ADCY2: variants seen among roughly 807,000 people sequenced by gnomAD.
ADCY2 encodes adenylate cyclase type 2.
ADCY2 carries 31 observed loss-of-function variants against 125.2 expected under a neutral mutation model. The observed-to-expected ratio is 0.25, with a 90% CI of 0.19 to 0.33. ADCY2 has a LOEUF of 0.33. ADCY2 is among the 10% of genes least tolerant of loss of function. The pLI is 1.00. For synonymous variants in ADCY2, 512 were observed against 548.4 expected (o/e 0.93, Z 0.93); for missense variants, 904 against 1,418.2 (o/e 0.64, Z 5.82).
chr5:7,701,253 C>A (rs1741067556), intron 7 of ADCY2, among the ~76,000 whole-genome samples: 1 of 152,056 alleles, frequency 6.6e-6, no homozygotes, highest in Non-Finnish European at 1.5e-5. Context: ...AAATTATGTG[C>A]ATCAATAACA....
At chr5:7,422,896 A>G (rs1193660797) in intron 2 of ADCY2, among the ~76,000 whole-genome samples, 3 of 152,196 alleles carry the variant, frequency 2.0e-5, no homozygotes, top group African/African-American at 4.8e-5. Flanking sequence ...CCTCTAGTGC[A>G]GTCACTTGGA....
At chr5:7,559,453 T>G (rs1459142487) in intron 3 of ADCY2, among the ~76,000 whole-genome samples, 3 of 152,136 alleles carry the variant, frequency 2.0e-5, no homozygotes, top group African/African-American at 7.2e-5. Flanking sequence ...AATGGGAGTT[T>G]GTTTGTGATT....
intron 22 of ADCY2, among the ~76,000 whole-genome samples, chr5:7,813,331 T>C (rs1038435480): frequency 1.3e-5 from 2 of 152,148 alleles, no homozygotes; most frequent in Admixed American, 1.3e-4. Context: ...AAGAGGAAGG[T>C]TATGTTTATT....
intron 4 of ADCY2, among the ~76,000 whole-genome samples, chr5:7,667,578 C>A (rs1167350238): frequency 6.6e-6 from 1 of 152,140 alleles, no homozygotes; most frequent in Non-Finnish European, 1.5e-5. Flanking sequence ...AGTGAAAAGG[C>A]CATTCTGTCT....
At chr5:7,821,848 C>A (rs751741178) in intron 24 of ADCY2, among the ~76,000 whole-genome samples, 1 of 152,132 alleles carries the variant, frequency 6.6e-6, no homozygotes, top group African/African-American at 2.4e-5. Flanking sequence ...TTCAAGGCTG[C>A]GTTCAAGAAT....
chr5:7,589,528 AAG>A (rs376178493), intron 3 of ADCY2, among the ~76,000 whole-genome samples: 1 of 132,558 alleles, frequency 7.5e-6, no homozygotes, highest in African/African-American at 3.0e-5. Context: ...AAGAAAGAGA[AAG>A]AAAGAAAGGA....
At chr5:7,812,262 C>A (rs1169342144) in intron 22 of ADCY2, among the ~76,000 whole-genome samples, 1 of 152,208 alleles carries the variant, frequency 6.6e-6, no homozygotes, top group Admixed American at 6.5e-5. Flanking sequence ...AACACCAAAG[C>A]TGTCATGATG....
At chr5:7,759,768 G>A (rs1743134867) in intron 16 of ADCY2, among the ~76,000 whole-genome samples, 1 of 152,230 alleles carries the variant, frequency 6.6e-6, no homozygotes, top group African/African-American at 2.4e-5. Context: ...TAGACAACAA[G>A]CAATTCCCTG....
chr5:7,780,628 G>A (rs1743890163), intron 18 of ADCY2, among the ~76,000 whole-genome samples: 1 of 152,108 alleles, frequency 6.6e-6, no homozygotes, highest in African/African-American at 2.4e-5. Context: ...TTTTACCTCA[G>A]CTAACCACTG....
At chr5:7,673,643 C>G (rs1181034096) in intron 4 of ADCY2, among the ~76,000 whole-genome samples, 1 of 152,152 alleles carries the variant, frequency 6.6e-6, no homozygotes, top group African/African-American at 2.4e-5. Flanking sequence ...TCTCCAGGCT[C>G]TGCCCAACCT....
rs572419682 is a variant in ADCY2, at chr5:7,482,950, T to C, written c.409-37788T>C. On this transcript the variant is annotated intron_variant, in intron 2 of 24. Transcript: ENST00000338316. Reference sequence around the variant, plus strand: ...AATACCACATGTTCTCACTCTTATGTGGGAGCTAAAAACATTGATCTCATG... The same window carrying C: ...AATACCACATGTTCTCACTCTTATGCGGGAGCTAAAAACATTGATCTCATG... Among the ~76,000 whole-genome samples the C allele has an allele frequency of 2.0e-5, 3 of 151,990 alleles. No homozygotes were observed. In the South Asian group the frequency reaches 6.2e-4, roughly 32 times the overall value.
At chr5:7,454,286 C>T (rs1315745473) in intron 2 of ADCY2, among the ~76,000 whole-genome samples, 1 of 152,168 alleles carries the variant, frequency 6.6e-6, no homozygotes, top group Non-Finnish European at 1.5e-5. Context: ...TATGTGCATT[C>T]TTTAAGTAGT....
At position 7,769,496 on chromosome 5, in the gene ADCY2, A is replaced by G. The variant is rs1219551770; in HGVS notation, c.2214+2690A>G. On this transcript the variant is annotated intron_variant, in intron 17 of 24. Coordinates refer to ENST00000338316, the MANE Select transcript of ADCY2 (RefSeq NM_020546.3). Reference sequence around the variant, plus strand: ...CAAGAAAAAGGCTGGAAACACCTATACAAATAATGAATAGTGGCTAAAGTG... The same window carrying G: ...CAAGAAAAAGGCTGGAAACACCTATGCAAATAATGAATAGTGGCTAAAGTG... Among the ~76,000 whole-genome samples the G allele has an allele frequency of 3.3e-5, 5 of 152,224 alleles. No individual in the cohort carries two copies. In the East Asian group the frequency reaches 9.6e-4, roughly 29 times the overall value.
rs139089777 is a variant in ADCY2 at position 7,712,907 on chromosome 5, ATC to A, written c.1622+14_1622+15del. 14,951 of 1,588,544 alleles carry A rather than the reference ATC, an allele frequency of 9.4e-3. 85 individuals carry two copies. Among genetic ancestry groups the A allele is most frequent in the Non-Finnish European group, 0.011 (13,142 of 1,157,744 alleles). The stretch of plus-strand genomic sequence containing the variant: ...TCAAAATCGCACCTTAAGGTATGGT[ATC>A]TCTCTATCTGATTTTTTAAAGCTTA... On this transcript the variant is annotated intron_variant, in intron 11 of 24. Coordinates refer to ENST00000338316, the MANE Select transcript of ADCY2 (RefSeq NM_020546.3).
At chr5:7,732,526 C>T (rs1302899792) in intron 14 of ADCY2, among the ~76,000 whole-genome samples, 1 of 152,176 alleles carries the variant, frequency 6.6e-6, no homozygotes, top group East Asian at 1.9e-4. Context: ...CTTCTATGTA[C>T]CAGGAATCTC....
At chr5:7,442,693 A>G (rs747651965) in intron 2 of ADCY2, among the ~76,000 whole-genome samples, 2 of 152,186 alleles carry the variant, frequency 1.3e-5, no homozygotes, top group East Asian at 3.9e-4. Context: ...TCTTGAAATT[A>G]TCCTGTAAGG....
chr5:7,413,818 T>G (rs568183131), intron 1 of ADCY2, among the ~76,000 whole-genome samples: 17 of 152,106 alleles, frequency 1.1e-4, no homozygotes, highest in Admixed American at 2.0e-4. Context: ...AGAATGGAAA[T>G]AGTGGGTCTT....
At chr5:7,651,557 T>C (rs1465057646) in intron 4 of ADCY2, among the ~76,000 whole-genome samples, 2 of 152,140 alleles carry the variant, frequency 1.3e-5, no homozygotes, top group Non-Finnish European at 2.9e-5. Context: ...CTTTCCATGC[T>C]CTCCTGCCTG....
intron 22 of ADCY2, among the ~76,000 whole-genome samples, chr5:7,812,366 T>C (rs141834462): frequency 1.1e-3 from 167 of 152,290 alleles, no homozygotes; most frequent in African/African-American, 3.9e-3. Flanking sequence ...TCACTATACA[T>C]ACAGAGAATC....
Sources: gnomAD v4.1 joint callset for allele counts (sites outside exome capture counted in the v4.1 genomes callset) on GRCh38, gnomAD v4.1.1 for gene constraint, MANE v1.5 for transcripts, NCBI Gene and HGNC (gene_info 2026-07-23, HGNC 2026-07-21) for gene names.